The following ANKFN1 variants were observed in gnomAD, a reference collection of about 807,000 sequenced individuals.
ANKFN1 encodes ankyrin repeat and fibronectin type III domain containing 1.
Under a neutral mutation model 108.7 loss-of-function variants are expected in ANKFN1, and 74 were observed. The ratio of observed to expected loss-of-function variants is 0.68; its 90% CI spans 0.56 to 0.83. The LOEUF (loss-of-function observed/expected upper bound fraction) is 0.83, where lower values mean the gene tolerates loss of function less well. Ranked by LOEUF, ANKFN1 falls within the 40% of genes least tolerant of loss-of-function variation. The probability of loss-of-function intolerance (pLI) is 0.00; values close to 1 mark genes in which losing one functional copy is unlikely to be tolerated. For missense variants in ANKFN1, 1,505 were observed against 1,382.3 expected (o/e 1.09, Z -1.41); for synonymous variants, 547 against 516.2 (o/e 1.06, Z -0.81).
At chr17:56,334,046 T>A (rs1380979698) in intron 4 of ANKFN1, among the ~76,000 whole-genome samples, 1 of 152,078 alleles carries the variant, frequency 6.6e-6, no homozygotes, top group Non-Finnish European at 1.5e-5. Flanking sequence ...TTATTAAATA[T>A]TAAGTATTAT....
intron 8 of ANKFN1, among the ~76,000 whole-genome samples, chr17:56,388,347 G>A (rs1268163582): frequency 6.6e-6 from 1 of 151,964 alleles, no homozygotes; most frequent in Non-Finnish European, 1.5e-5. Context: ...GGCCAGGCTG[G>A]TCTCGAACTT....
At chr17:56,258,639 G>A (rs1331158287) in intron 3 of ANKFN1, among the ~76,000 whole-genome samples, 1 of 152,146 alleles carries the variant, frequency 6.6e-6, no homozygotes, top group Non-Finnish European at 1.5e-5. Flanking sequence ...GGTCAGGCGC[G>A]GTGGCTCATG....
rs16956923 is a variant in ANKFN1, at chr17:56,227,137, T to C, written c.13-780T>C. Among the ~76,000 whole-genome samples, 1,416 of 152,260 alleles carry C rather than the reference T, an allele frequency of 9.3e-3. 17 individuals are homozygous for C. The highest frequency in any genetic ancestry group is 0.025 in the African/African-American group (1,058 of 41,550). The stretch of plus-strand genomic sequence containing the variant: ...TGAATCTCAGAATGCAAATAGTTCA[T>C]ATCAATCATAGGGACTTTCCTGCCA... On this transcript the variant is annotated intron_variant, in intron 2 of 20. Transcript: ENST00000682825.
chr17:56,447,576 TAAAG>T (rs2049340382), intron 10 of ANKFN1, among the ~76,000 whole-genome samples: 3 of 152,108 alleles, frequency 2.0e-5, no homozygotes, highest in African/African-American at 7.2e-5. Flanking sequence ...AAAAGTAAAA[TAAAG>T]ACAGGTCCAT....
intron 4 of ANKFN1, among the ~76,000 whole-genome samples, chr17:56,058,403 T>C (rs1355082828): frequency 5.3e-5 from 8 of 152,256 alleles, no homozygotes; most frequent in Admixed American, 4.6e-4. Flanking sequence ...CCTTGCACTT[T>C]TATGTTACAA....
intron 8 of ANKFN1, among the ~76,000 whole-genome samples, chr17:56,428,123 A>G (rs1239342994): frequency 2.0e-5 from 3 of 151,818 alleles, no homozygotes; most frequent in Non-Finnish European, 1.5e-5. Flanking sequence ...AATCCCAGCT[A>G]CTCAGGAGGC....
At chr17:56,372,281 C>A (rs1046623655) in intron 6 of ANKFN1, among the ~76,000 whole-genome samples, 1 of 152,194 alleles carries the variant, frequency 6.6e-6, no homozygotes, top group African/African-American at 2.4e-5. Flanking sequence ...TTTGCCCCTA[C>A]ATGTTTGTCC....
chr17:56,457,359 TA>T lies in ANKFN1; in HGVS notation c.1411del (p.Ile471LeufsTer18). On this transcript the variant is annotated frameshift_variant, in exon 13 of 21. Transcript: ENST00000682825. LOFTEE classifies it high-confidence loss of function. ...VEIDDSHTSS[I>X]TQDFLWFTKL... is the part of the protein sequence containing the mutation. ...AAATAGATGACTCTCACACCAGTTC[TA>T]TTACACAAGATTTTCTGTGGTTCAC... 1 of 1,602,782 alleles carries T rather than the reference TA, an allele frequency of 6.2e-7. No individual in the cohort carries two copies. The highest frequency in any genetic ancestry group is 8.5e-7 in the Non-Finnish European group (1 of 1,177,460).
At chr17:56,157,914 G>A (rs1439449098) in intron 1 of ANKFN1, among the ~76,000 whole-genome samples, 1 of 152,230 alleles carries the variant, frequency 6.6e-6, no homozygotes, top group Non-Finnish European at 1.5e-5. Context: ...AGTGGAAACT[G>A]GGTTACACAG....
intron 4 of ANKFN1, among the ~76,000 whole-genome samples, chr17:56,338,397 C>T (rs2045874005): frequency 1.3e-5 from 2 of 151,980 alleles, no homozygotes; most frequent in African/African-American, 4.8e-5. Context: ...CACATGTATA[C>T]CTATGTAACA....
At chr17:56,347,855 G>T (rs994572212) in intron 4 of ANKFN1, among the ~76,000 whole-genome samples, 1 of 152,018 alleles carries the variant, frequency 6.6e-6, no homozygotes, top group Non-Finnish European at 1.5e-5. Flanking sequence ...ATGTGGGTAG[G>T]TGTCATCAGT....
intron 2 of ANKFN1, among the ~76,000 whole-genome samples, chr17:56,213,425 C>G (rs939552435): frequency 6.6e-6 from 1 of 152,142 alleles, no homozygotes; most frequent in Non-Finnish European, 1.5e-5. Context: ...ACAATCTCCT[C>G]CTAGACAGAG....
intron 1 of ANKFN1, among the ~76,000 whole-genome samples, chr17:56,211,329 A>C (rs1437867821): frequency 6.6e-6 from 1 of 152,180 alleles, no homozygotes; most frequent in East Asian, 1.9e-4. Flanking sequence ...GTGGCTTGCC[A>C]ATTATCCCAG....
intron 4 of ANKFN1, among the ~76,000 whole-genome samples, chr17:56,124,620 C>T (rs1464502033): frequency 1.3e-5 from 2 of 152,124 alleles, no homozygotes. Context: ...AGGGTTTGGC[C>T]CACTTTCTAT....
Position 56,202,401 on chromosome 17 carries a change from G to A in ANKFN1, c.-70-10197G>A, listed in dbSNP as rs1256581207. ...CATAATCTTCCTAAAATACTTGTAT[G>A]CACAGAGAGGACACTAGTGGGGGCC... On this transcript the variant is annotated intron_variant, in intron 1 of 20. Transcript: ENST00000682825. Among the ~76,000 whole-genome samples the A allele has an allele frequency of 2.6e-5, 4 of 152,152 alleles. No homozygotes were observed. The East Asian group carries it at 7.7e-4, about 29-fold the overall frequency.
At chr17:56,231,168 G>A (rs1325955903) in intron 3 of ANKFN1, among the ~76,000 whole-genome samples, 1 of 151,860 alleles carries the variant, frequency 6.6e-6, no homozygotes, top group Non-Finnish European at 1.5e-5. Context: ...TTTTTTTCCT[G>A]TATTCAACAA....
chr17:56,103,974 G>A lies in ANKFN1; in HGVS notation c.288+57649G>A, dbSNP rs1224027598. On this transcript the variant is annotated intron_variant, in intron 4 of 12. Transcript: ENST00000635860. ...TCTTGGCAAAGGAAATAGATTGGCT[G>A]TTTGTGGCATGCCCAGTAATTATAA... Among the ~76,000 whole-genome samples, 15 of 152,226 alleles carry A rather than the reference G, an allele frequency of 9.9e-5. No individual in the cohort carries two copies. In the East Asian group the frequency reaches 2.7e-3, roughly 27 times the overall value.
At chr17:56,162,920 A>T (rs1428418322) in intron 1 of ANKFN1, among the ~76,000 whole-genome samples, 2 of 151,960 alleles carry the variant, frequency 1.3e-5, no homozygotes, top group African/African-American at 2.4e-5. Context: ...CTGTAATCCC[A>T]GCTACTTACG....
intron 4 of ANKFN1, among the ~76,000 whole-genome samples, chr17:56,054,997 A>G (rs905574222): frequency 2.0e-5 from 3 of 151,974 alleles, no homozygotes; most frequent in Non-Finnish European, 4.4e-5. Flanking sequence ...TTCATCGTTG[A>G]TGGCTGCTGA....
Sources: allele counts gnomAD v4.1 joint callset (sites outside exome capture counted in the v4.1 genomes callset), GRCh38; gene constraint gnomAD v4.1.1; transcripts MANE v1.5; gene names NCBI Gene and HGNC (gene_info 2026-07-23, HGNC 2026-07-21).